Variants in EEF2 observed in about 807,000 individuals in gnomAD.
EEF2 encodes the protein eukaryotic translation elongation factor 2.
In EEF2, 21 loss-of-function variants were observed where a neutral mutation model predicts 85.3. The ratio of observed to expected loss-of-function variants is 0.25; its 90% CI spans 0.17 to 0.35. EEF2 has a LOEUF of 0.35. Ranked by LOEUF, EEF2 falls within the 10% of genes least tolerant of loss-of-function variation. The probability of loss-of-function intolerance (pLI) is 1.00; values close to 1 mark genes in which losing one functional copy is unlikely to be tolerated. For synonymous variants in EEF2, 723 were observed against 508.8 expected (o/e 1.42, Z -5.67); for missense variants, 825 against 1,225.3 (o/e 0.67, Z 4.88).
chr19:3,983,244 A>G lies in EEF2; in HGVS notation c.266T>C (p.Ile89Thr). The G allele has an allele frequency of 6.2e-7, 1 of 1,613,958 alleles. No homozygotes were observed. Among genetic ancestry groups the G allele is most frequent in the Non-Finnish European group, 8.5e-7 (1 of 1,179,974 alleles). ...GCCGGCACCGTCCTTGCTCTGCTTG[A>G]TGAAGTTCAAGTCATTCTCCGAGAG... ...YELSENDLNF[I>T]KQSKDGAGFL... is the part of the protein sequence containing the mutation. Residue 89 changes from isoleucine to threonine, a missense_variant, in exon 3 of 15, where the codon ATC (isoleucine) becomes ACC (threonine). Physicochemically the swap from Ile to Thr is moderately conservative, Grantham distance 89. Coordinates refer to ENST00000309311, the MANE Select transcript of EEF2 (RefSeq NM_001961.4).
intron 11 of EEF2, 117 bp from the exon 12 acceptor site, chr19:3,978,289 G>A (rs1425516548): frequency 1.8e-5 from 15 of 842,756 alleles, no homozygotes; most frequent in Admixed American, 6.8e-5. Flanking sequence ...GTAGAGCCAC[G>A]TCAATCAGAA....
Position 3,983,180 on chromosome 19 carries a change from G to A in EEF2, c.330C>T (p.Asp110=), listed in dbSNP as rs747348346. The A allele has an allele frequency of 1.1e-5, 17 of 1,614,148 alleles. 2 individuals are homozygous for A. In the South Asian group the frequency reaches 1.1e-4, roughly 10 times the overall value. The change falls in exon 3 of 15, where the codon GAC becomes GAT. Residue 110 remains aspartate (D), a synonymous_variant. Transcript: ENST00000309311. ...GGGCAGCAGTCACCTCCGAGGAGAA[G>A]TCGACATGCCCGGGGGAGTCAATGA... ...INLIDSPGHV[D]FSSEVTAALR...
In EEF2 at chr19:3,982,346, T is replaced by A; in HGVS notation, c.691A>T (p.Met231Leu). 1 of 1,614,020 alleles carries A rather than the reference T, an allele frequency of 6.2e-7. No individual in the cohort carries two copies. Among genetic ancestry groups the A allele is most frequent in the Non-Finnish European group, 8.5e-7 (1 of 1,180,014 alleles). ...TTGGCGGCGAACTTGGCCACATACA[T>A]CTCGGCAAACTGCTTCAGGGTGAAG... The part of the protein sequence containing the change: ...WAFTLKQFAE[M>L]YVAKFAAKGE... The change falls in exon 5 of 15, where the codon ATG becomes TTG. Residue 231 changes from methionine to leucine, a missense_variant. By Grantham distance (15) the Met-to-Leu change is conservative. Coordinates refer to ENST00000309311, the MANE Select transcript of EEF2 (RefSeq NM_001961.4).
chr19:3,977,212 C>T lies in EEF2; in HGVS notation c.2383+3G>A, dbSNP rs113046366. On this transcript the variant is annotated splice_donor_region_variant and intron_variant, in intron 14 of 14. Transcript: ENST00000309311. The surrounding 1 kb of genome is among the most constrained non-coding windows in gnomAD (Gnocchi z 5.4). Reference sequence around the variant, plus strand: ...CTGCAGGCCACACCGGGCAGGCACTCACCAAAGGACTCGTTGACGGGCAGA... The same window carrying T: ...CTGCAGGCCACACCGGGCAGGCACTTACCAAAGGACTCGTTGACGGGCAGA... 1 of 1,613,110 alleles carries T rather than the reference C, an allele frequency of 6.2e-7. No individual in the cohort carries two copies. The highest frequency in any genetic ancestry group is 1.3e-5 in the African/African-American group (1 of 75,072).
At position 3,977,257 on chromosome 19, in the gene EEF2, T is replaced by C. The variant is rs758537899; in HGVS notation, c.2341A>G (p.Met781Val). 3 of 1,613,430 alleles carry C rather than the reference T, an allele frequency of 1.9e-6. No homozygotes were observed. The highest frequency in any genetic ancestry group is 4.5e-5 in the East Asian group (2 of 44,870). The change falls in exon 14 of 15, where the codon ATG (methionine) becomes GTG (valine). Residue 781 changes from methionine (M) to valine (V), a missense_variant. Coordinates refer to ENST00000309311, the MANE Select transcript of EEF2 (RefSeq NM_001961.4). The surrounding 1 kb of genome is among the most constrained non-coding windows in gnomAD (Gnocchi z 5.4). ...FEESQVAGTP[M>V]FVVKAYLPVN... ...GGCAGATAGGCCTTGACCACAAACA[T>C]GGGGGTGCCGGCCACCTGGGACTCC...
chr19:3,984,276 G>A lies in EEF2; in HGVS notation c.78C>T (p.Ala26=), dbSNP rs147115517. The A allele has an allele frequency of 1.2e-6, 2 of 1,614,100 alleles. No individual in the cohort carries two copies. The highest frequency in any genetic ancestry group is 1.1e-5 in the South Asian group (1 of 91,092). ...GCGTGGACTTGCCATGGTCCACGTGGGCGATGACAGACATGTTGCGGATGT... is the reference window on the plus strand; with the variant it reads ...GCGTGGACTTGCCATGGTCCACGTGAGCGATGACAGACATGTTGCGGATGT... ...KANIRNMSVI[A]HVDHGKSTLT... is the part of the protein sequence containing the mutation. The change falls in exon 2 of 15, where the codon GCC becomes GCT. Residue 26 remains alanine, a synonymous_variant. Transcript: ENST00000309311.
intron 7 of EEF2, 136 bp from the exon 8 acceptor site, chr19:3,981,115 G>T: frequency 7.2e-7 from 1 of 1,391,120 alleles, no homozygotes; most frequent in Non-Finnish European, 9.5e-7. Flanking sequence ...CTTCTGGAAG[G>T]CGGCAAAGGC....
At position 3,984,267 on chromosome 19, in the gene EEF2, G is replaced by A; in HGVS notation, c.87C>T (p.Asp29=). The A allele has an allele frequency of 2.5e-6, 4 of 1,614,206 alleles. No homozygotes were observed. Among genetic ancestry groups the A allele is most frequent in the Non-Finnish European group, 3.4e-6 (4 of 1,180,044 alleles). Reference sequence around the variant, plus strand: ...AGTCTGTCAGCGTGGACTTGCCATGGTCCACGTGGGCGATGACAGACATGT... The same window carrying A: ...AGTCTGTCAGCGTGGACTTGCCATGATCCACGTGGGCGATGACAGACATGT... The part of the protein sequence containing the change: ...IRNMSVIAHV[D]HGKSTLTDSL... The change falls in exon 2 of 15, where the codon GAC becomes GAT. Residue 29 remains aspartate, a synonymous_variant. Coordinates refer to ENST00000309311, the MANE Select transcript of EEF2 (RefSeq NM_001961.4).
chr19:3,982,215 G>A (rs558571220), intron 5 of EEF2, 31 bp downstream of exon 5: 5 of 1,611,638 alleles, frequency 3.1e-6, no homozygotes, highest in Admixed American at 3.3e-5. Context: ...CCAGGTGTCA[G>A]GAATCCCCCA....
At position 3,977,770 on chromosome 19, in the gene EEF2, C is replaced by T. The variant is rs780505013; in HGVS notation, c.2067+49G>A. 4.6e-6 allele frequency: 7 copies of T among 1,524,790 alleles called. No individual in the cohort carries two copies. In the East Asian group the frequency reaches 1.4e-4, roughly 30 times the overall value. 94.5% of individuals were successfully genotyped at this position (1,524,790 alleles called of 1,614,324 possible). On this transcript the variant is annotated intron_variant, in intron 12 of 14. Coordinates refer to ENST00000309311, the MANE Select transcript of EEF2 (RefSeq NM_001961.4). This position sits in a 1 kb window ranked among gnomAD's most constrained non-coding sequence, Gnocchi z 5.4. ...CGGGAGGCAGGACCATGAGGTCCCT[C>T]TAGAGCCTGGAAACGGGTGTGGTCT... is the stretch of plus-strand genomic sequence containing the variant.
chr19:3,982,280 C>A lies in EEF2; in HGVS notation c.757G>T (p.Val253Leu), dbSNP rs1460956400. ...CACAGCTTCTTCATCATGTCCTCTA[C>A]TTTCTTGGCCCGCTCGGCAGGCCCC... ...QLGPAERAKK[V>L]EDMMKKLWGD... The change falls in exon 5 of 15, where the codon GTA becomes TTA. Residue 253 changes from valine to leucine, a missense_variant. Transcript: ENST00000309311. 1.2e-6 allele frequency: 2 copies of A among 1,614,096 alleles called. No individual in the cohort carries two copies. The highest frequency in any genetic ancestry group is 1.7e-6 in the Non-Finnish European group (2 of 1,180,040).
At position 3,976,753 on chromosome 19, in the gene EEF2, G is replaced by A; in HGVS notation, c.2384-6C>T. ...CCTCAGGTCAGCGGTGAAGCCTGCA[G>A]AGGGAAGCGAGAGGCTCACTGGGCC... On this transcript the variant is annotated splice_polypyrimidine_tract_variant and splice_region_variant and intron_variant, in intron 14 of 14. Coordinates refer to ENST00000309311, the MANE Select transcript of EEF2 (RefSeq NM_001961.4). 2 of 1,552,530 alleles carry A rather than the reference G, an allele frequency of 1.3e-6. No homozygotes were observed. Among genetic ancestry groups the A allele is most frequent in the Non-Finnish European group, 8.7e-7 (1 of 1,155,276 alleles).
intron 11 of EEF2, among the ~76,000 whole-genome samples, 164 bp downstream of exon 11, chr19:3,979,165 A>T (rs1387755586): frequency 1.3e-5 from 2 of 152,136 alleles, no homozygotes; most frequent in African/African-American, 4.8e-5. Context: ...ACAGCCCCAC[A>T]TGCCTGTGGA....
At position 3,976,534 on chromosome 19, in the gene EEF2, G is replaced by A. The variant is rs918493780; in HGVS notation, c.*20C>T. Reference sequence around the variant, plus strand: ...GGTGCTGCGAGTCCCCGGGGCGGCAGGCGCTGCAGGAAGGGCCGCCTACAA... The same window carrying A: ...GGTGCTGCGAGTCCCCGGGGCGGCAAGCGCTGCAGGAAGGGCCGCCTACAA... On this transcript the variant is annotated 3_prime_UTR_variant, in exon 15 of 15. Transcript: ENST00000309311. 6.9e-6 allele frequency: 11 copies of A among 1,589,556 alleles called. No individual in the cohort carries two copies. The African/African-American group carries it at 8.1e-5, about 12-fold the overall frequency.
chr19:3,982,174 A>G (rs2039757952), intron 5 of EEF2, 72 bp downstream of exon 5: 1 of 1,601,366 alleles, frequency 6.2e-7, no homozygotes, highest in African/African-American at 1.3e-5. Flanking sequence ...TGTGAATAGC[A>G]CACCACGCCC....
At position 3,983,267 on chromosome 19, in the gene EEF2, G is replaced by A. The variant is rs570626608; in HGVS notation, c.243C>T (p.Leu81=). 86 of 1,613,666 alleles carry A rather than the reference G, an allele frequency of 5.3e-5. No individual in the cohort carries two copies. The highest frequency in any genetic ancestry group is 6.9e-5 in the Non-Finnish European group (82 of 1,179,910). The change falls in exon 3 of 15, where the codon CTC becomes CTT. Residue 81 remains leucine, a synonymous_variant. Transcript: ENST00000309311. ...TGATGAAGTTCAAGTCATTCTCCGA[G>A]AGCTCGTAGAAGAGGGAGATGGCAC... The part of the protein sequence containing the change: ...KSTAISLFYE[L]SENDLNFIKQ...
In EEF2 at chr19:3,980,914, G is replaced by A; in HGVS notation, c.1077C>T (p.Pro359=). The A allele has an allele frequency of 1.9e-6, 3 of 1,568,532 alleles. No homozygotes were observed. Among genetic ancestry groups the A allele is most frequent in the South Asian group, 1.2e-5 (1 of 85,932 alleles). ...ALLQMITIHL[P]SPVTAQKYRC... ...GGTACTTCTGGGCCGTCACAGGGGA[G>A]GGCAGGTGGATGGTGATCATCTGCA... The change falls in exon 8 of 15, where the codon CCC becomes CCT. Residue 359 remains proline (P), a synonymous_variant. Coordinates refer to ENST00000309311, the MANE Select transcript of EEF2 (RefSeq NM_001961.4).
chr19:3,985,286 C>G, intron 1 of EEF2, 92 bp downstream of exon 1: 1 of 1,296,260 alleles, frequency 7.7e-7, no homozygotes, highest in Non-Finnish European at 1.0e-6. Context: ...CTCCTCCTGG[C>G]ACGGGGGGCC....
chr19:3,976,980 T>C (rs1030449936), intron 14 of EEF2, among the ~76,000 whole-genome samples: 1 of 152,150 alleles, frequency 6.6e-6, no homozygotes, highest in Admixed American at 6.5e-5. Flanking sequence ...GCCCAGGGCG[T>C]AGGCCTTCAG....
Sources: gnomAD v4.1 joint callset for allele counts (sites outside exome capture counted in the v4.1 genomes callset) on GRCh38, gnomAD v4.1.1 for gene constraint, Gnocchi (gnomAD v3.1) non-coding constraint, MANE v1.5 for transcripts, NCBI Gene and HGNC (gene_info 2026-07-23, HGNC 2026-07-21) for gene names.